Variants in LYST observed in about 807,000 individuals in gnomAD.
LYST encodes the protein lysosomal-trafficking regulator.
Under a neutral mutation model 413.6 loss-of-function variants are expected in LYST, and 192 were observed. The ratio of observed to expected loss-of-function variants is 0.46; its 90% CI spans 0.41 to 0.52. The LOEUF is 0.52. LYST is among the 20% of genes least tolerant of loss of function. The pLI, the probability that LYST is intolerant of heterozygous loss-of-function variation, is 0.00. For missense variants in LYST, 3,815 were observed against 4,499.9 expected (o/e 0.85, Z 4.35); for synonymous variants, 1,525 against 1,567.3 (o/e 0.97, Z 0.64).
At chr1:235,814,254 G>GCACT (rs1673795960) in intron 3 of LYST, among the ~76,000 whole-genome samples, 1 of 152,112 alleles carries the variant, frequency 6.6e-6, no homozygotes, top group Non-Finnish European at 1.5e-5. Flanking sequence ...AGACGTCTAT[G>GCACT]CACTATCCTA....
At chr1:235,771,196 A>T (rs1668631071) in intron 19 of LYST, among the ~76,000 whole-genome samples, 1 of 152,216 alleles carries the variant, frequency 6.6e-6, no homozygotes, top group Admixed American at 6.5e-5. Context: ...CAGCCAAAGT[A>T]TGAAAACATG....
At chr1:235,774,505 G>A (rs751093991) in intron 18 of LYST, among the ~76,000 whole-genome samples, 1 of 152,148 alleles carries the variant, frequency 6.6e-6, no homozygotes, top group Non-Finnish European at 1.5e-5. Flanking sequence ...GAATATCTGT[G>A]ACTTGAAAAA....
intron 2 of LYST, among the ~76,000 whole-genome samples, chr1:235,831,068 A>G (rs1251985761): frequency 6.6e-6 from 1 of 152,226 alleles, no homozygotes; most frequent in African/African-American, 2.4e-5. Flanking sequence ...TCCAGAAGGG[A>G]AAAACCATGA....
chr1:235,712,652 A>G, intron 42 of LYST: 1 of 985,130 alleles, frequency 1.0e-6, no homozygotes. Context: ...TTGAATTGTT[A>G]AGACTACTTT....
Position 235,791,916 on chromosome 1 carries a change from ACTCT to A in LYST, c.4322_4325del (p.Glu1441ValfsTer12), listed in dbSNP as rs1324833938. Reference sequence around the variant, plus strand: ...AAGATGAAAGCAGCCGATGGGGAAAACTCTCTCTATCAGCCTCTTTCTTGCTCCG... The same window carrying A: ...AAGATGAAAGCAGCCGATGGGGAAAACTCTATCAGCCTCTTTCTTGCTCCG... On this transcript the variant is annotated frameshift_variant, in exon 12 of 53. Transcript: ENST00000389793. LOFTEE classifies it high-confidence loss of function. 6 of 1,613,448 alleles carry A rather than the reference ACTCT, an allele frequency of 3.7e-6. No individual in the cohort carries two copies. The highest frequency in any genetic ancestry group is 1.1e-5 in the South Asian group (1 of 91,068).
intron 52 of LYST, 44 bp downstream of exon 52, chr1:235,663,940 T>C (rs1338608341): frequency 6.9e-7 from 1 of 1,453,264 alleles, no homozygotes; most frequent in Non-Finnish European, 9.7e-7. Flanking sequence ...AAAAATACAA[T>C]CACAAATTGT....
At chr1:235,703,012 G>T in intron 44 of LYST, 35 bp from the exon 45 acceptor site, 1 of 1,409,580 alleles carries the variant, frequency 7.1e-7, no homozygotes, top group Non-Finnish European at 1.0e-6. Flanking sequence ...CAAGACATAT[G>T]TAGTAAAAAG....
At chr1:235,725,630 A>G (rs1014247211) in intron 38 of LYST, among the ~76,000 whole-genome samples, 2 of 152,162 alleles carry the variant, frequency 1.3e-5, no homozygotes, top group African/African-American at 4.8e-5. Context: ...AACAGTTCTC[A>G]TGCTTCCGAG....
chr1:235,806,006 T>A lies in LYST; in HGVS notation c.3130A>T (p.Lys1044Ter). The change falls in exon 6 of 53, where the codon AAA becomes TAA. Residue 1044 changes from lysine to a stop codon, truncating the protein, a stop_gained. Transcript: ENST00000389793. LOFTEE classifies it high-confidence loss of function. ...AGTTCTGATGGTATGGGGTCACTTTTTATAGCCAAAGATAATAAATCTTCC... is the reference window on the plus strand; with the variant it reads ...AGTTCTGATGGTATGGGGTCACTTTATATAGCCAAAGATAATAAATCTTCC... Reference protein sequence around the residue: ...MKEDLLSLAIKSDPIPSELGS... With the variant: ...MKEDLLSLAI 1 of 1,614,032 alleles carries A rather than the reference T, an allele frequency of 6.2e-7. No homozygotes were observed.
At chr1:235,835,421 G>A (rs1439322623) in intron 1 of LYST, among the ~76,000 whole-genome samples, 3 of 152,122 alleles carry the variant, frequency 2.0e-5, no homozygotes, top group East Asian at 1.9e-4. Context: ...CAGCGTGGCC[G>A]TAAGAAGTGA....
At chr1:235,873,251 C>T (rs1034553361) in intron 1 of LYST, among the ~76,000 whole-genome samples, 1 of 152,146 alleles carries the variant, frequency 6.6e-6, no homozygotes, top group African/African-American at 2.4e-5. Flanking sequence ...CTGAAATTTC[C>T]CCTCTCCTGT....
upstream of LYST, among the ~76,000 whole-genome samples, chr1:235,867,478 G>C (rs1246142897): frequency 6.6e-6 from 1 of 152,172 alleles, no homozygotes; most frequent in Non-Finnish European, 1.5e-5. Flanking sequence ...CTTCTTTCAA[G>C]AAACAAAAAG....
At chr1:235,771,671 A>G (rs1046322392) in intron 19 of LYST, among the ~76,000 whole-genome samples, 1 of 152,134 alleles carries the variant, frequency 6.6e-6, no homozygotes, top group African/African-American at 2.4e-5. Context: ...ACAAAGTTTA[A>G]AAAACTGAAA....
At chr1:235,773,749 T>C in intron 19 of LYST, 93 bp downstream of exon 19, 1 of 982,562 alleles carries the variant, frequency 1.0e-6, no homozygotes, top group East Asian at 2.5e-5. Flanking sequence ...TTAATGCCAC[T>C]GAACTGAAAC....
At chr1:235,757,542 A>AT (rs920250836) in intron 23 of LYST, 84 bp from the exon 24 acceptor site, 1 of 952,106 alleles carries the variant, frequency 1.1e-6, no homozygotes. Flanking sequence ...AAGTAGTAGC[A>AT]TTTTTTAACA....
At chr1:235,852,808 C>T (rs550887042) in intron 1 of LYST, among the ~76,000 whole-genome samples, 1 of 152,252 alleles carries the variant, frequency 6.6e-6, no homozygotes, top group South Asian at 2.1e-4. Context: ...CAAAATTTTA[C>T]AGATAAACTA....
At position 235,777,308 on chromosome 1, in the gene LYST, C is replaced by T. The variant is rs772760096; in HGVS notation, c.5215G>A (p.Glu1739Lys). ...GTTGTATAAACAACTGAAAGACTTT[C>T]CTGAAATACAAATATTTTCATTCAG... is the stretch of plus-strand genomic sequence containing the variant. ...KKDVDIGLLI[E>K]SLSVVYTTYC... The change falls in exon 17 of 53, where the codon GAA becomes AAA. Residue 1739 changes from glutamate (E) to lysine (K), a missense_variant and splice_region_variant. By Grantham distance (56) the Glu-to-Lys change is moderately conservative. Around this residue, in one of 4 missense-constraint regions of LYST, gnomAD observed 530 missense variants for 696.5 expected, o/e 0.76. Transcript: ENST00000389793. 1.2e-6 allele frequency: 2 copies of T among 1,611,598 alleles called. No homozygotes were observed. Among genetic ancestry groups the T allele is most frequent in the South Asian group, 2.2e-5 (2 of 90,980 alleles).
intron 12 of LYST, among the ~76,000 whole-genome samples, chr1:235,790,557 T>C (rs1353667106): frequency 6.6e-6 from 1 of 152,184 alleles, no homozygotes; most frequent in African/African-American, 2.4e-5. Context: ...CATAGTGTCC[T>C]AAAACAGAGG....
At chr1:235,770,329 T>C (rs1460362447) in intron 19 of LYST, 32 bp from the exon 20 acceptor site, 1 of 1,610,474 alleles carries the variant, frequency 6.2e-7, no homozygotes, top group South Asian at 1.1e-5. Flanking sequence ...AATAAGCACA[T>C]ACTTACTGAA....
Sources: allele counts gnomAD v4.1 joint callset (sites outside exome capture counted in the v4.1 genomes callset), GRCh38; gene constraint gnomAD v4.1.1; regional missense constraint gnomAD v4.1.1; transcripts MANE v1.5; gene names NCBI Gene and HGNC (gene_info 2026-07-23, HGNC 2026-07-21).